PAQR5: variants seen among roughly 807,000 people sequenced by gnomAD.
PAQR5 encodes progestin and adipoQ receptor family member 5.
PAQR5 carries 20 observed loss-of-function variants against 34.5 expected under a neutral mutation model. The observed-to-expected ratio is 0.58, with a 90% CI of 0.41 to 0.84. The LOEUF (loss-of-function observed/expected upper bound fraction) is 0.84, where lower values mean the gene tolerates loss of function less well. PAQR5 is among the 40% of genes least tolerant of loss of function. The pLI is 0.00. For synonymous variants in PAQR5, 131 were observed against 155.6 expected, an observed-to-expected ratio of 0.84 and a Z score of 1.18; for missense variants, 378 against 412.7, an observed-to-expected ratio of 0.92 and a Z score of 0.73.
chr15:69,340,891 T>A (rs1331581531), intron 2 of PAQR5, among the ~76,000 whole-genome samples: 1 of 152,248 alleles, frequency 6.6e-6, no homozygotes, highest in Non-Finnish European at 1.5e-5. Flanking sequence ...GTGTATAATA[T>A]GTATTTTTTT....
Position 69,403,902 on chromosome 15 carries a change from G to T in PAQR5, c.*80G>T. ...CCACCATAAGCCGGAGGTGGTTACA[G>T]CTTATCATGGCCTAAAATATTCATA... On this transcript the variant is annotated 3_prime_UTR_variant, in exon 9 of 9. Coordinates refer to ENST00000395407, the MANE Select transcript of PAQR5 (RefSeq NM_017705.4). 1 of 1,408,674 alleles carries T rather than the reference G, an allele frequency of 7.1e-7. No individual in the cohort carries two copies. Among genetic ancestry groups the T allele is most frequent in the Non-Finnish European group, 9.7e-7 (1 of 1,030,634 alleles). 87.3% of individuals were successfully genotyped at this position (1,408,674 alleles called of 1,614,324 possible).
intron 1 of PAQR5, among the ~76,000 whole-genome samples, chr15:69,336,698 G>T (rs1398133838): frequency 6.6e-6 from 1 of 152,174 alleles, no homozygotes; most frequent in Non-Finnish European, 1.5e-5. Flanking sequence ...TAACTCTGGA[G>T]ATTGTGACTT....
At chr15:69,387,277 C>G (rs117119926) in intron 5 of PAQR5, among the ~76,000 whole-genome samples, 2 of 152,300 alleles carry the variant, frequency 1.3e-5, no homozygotes, top group Non-Finnish European at 2.9e-5. Context: ...CTGGAGTAAT[C>G]GCTGCATGGC....
rs181266541 is a variant in PAQR5, at chr15:69,364,825, G to A, written c.51+4694G>A. Among the ~76,000 whole-genome samples the A allele has an allele frequency of 2.5e-3, 381 of 151,096 alleles. 2 individuals are homozygous for A. The highest frequency in any genetic ancestry group is 8.7e-3 in the African/African-American group (359 of 41,266). ...AAGATCTCGGCTCACTGCAACCTCC[G>A]CCTCCCAGGTTCAAGCAATTCTCTG... On this transcript the variant is annotated intron_variant, in intron 3 of 8. Coordinates refer to ENST00000395407, the MANE Select transcript of PAQR5 (RefSeq NM_017705.4).
intron 4 of PAQR5, among the ~76,000 whole-genome samples, chr15:69,381,856 C>T (rs1298615216): frequency 6.6e-6 from 1 of 152,154 alleles, no homozygotes; most frequent in Non-Finnish European, 1.5e-5. Flanking sequence ...AGCAATGTTC[C>T]TTCAGCTCCT....
At chr15:69,313,582 C>T (rs2053876261) in intron 1 of PAQR5, among the ~76,000 whole-genome samples, 1 of 151,940 alleles carries the variant, frequency 6.6e-6, no homozygotes. Context: ...GAGAAGATTT[C>T]TTGAAAAAAG....
intron 1 of PAQR5, among the ~76,000 whole-genome samples, chr15:69,301,859 A>ATTTTTTT (rs71149903): frequency 0.011 from 1,043 of 98,736 alleles, 112 homozygotes; most frequent in Non-Finnish European, 0.013. Flanking sequence ...ATGGGGGGAG[A>ATTTTTTT]TTTTTTTTTT....
intron 3 of PAQR5, among the ~76,000 whole-genome samples, chr15:69,368,715 A>G (rs1398758103): frequency 6.8e-6 from 1 of 147,814 alleles, no homozygotes; most frequent in Non-Finnish European, 1.5e-5. Flanking sequence ...TGTATTATTT[A>G]TTCCTTTGAT....
intron 2 of PAQR5, among the ~76,000 whole-genome samples, chr15:69,356,460 G>T (rs2055079922): frequency 6.6e-6 from 1 of 152,126 alleles, no homozygotes; most frequent in African/African-American, 2.4e-5. Flanking sequence ...TTTTGAAATT[G>T]TATGCCACTA....
intron 3 of PAQR5, among the ~76,000 whole-genome samples, chr15:69,364,786 T>C (rs1595898007): frequency 6.6e-6 from 1 of 151,688 alleles, no homozygotes; most frequent in East Asian, 1.9e-4. Context: ...TTACCCAGGC[T>C]GGAGTACAGT....
At chr15:69,402,910 C>T (rs2140278582) in intron 8 of PAQR5, among the ~76,000 whole-genome samples, 1 of 152,362 alleles carries the variant, frequency 6.6e-6, no homozygotes, top group South Asian at 2.1e-4. Flanking sequence ...CTCCCACTAC[C>T]CTCTACTGGG....
At chr15:69,329,463 C>CTTTTTTTTTTTTT (rs1038357937) in intron 1 of PAQR5, among the ~76,000 whole-genome samples, 2 of 73,760 alleles carry the variant, frequency 2.7e-5, no homozygotes, top group African/African-American at 5.7e-5. Context: ...TTTTTTCTTT[C>CTTTTTTTTTTTTT]TTTTTTTTTT....
At chr15:69,357,398 G>A (rs1006463848) in intron 2 of PAQR5, among the ~76,000 whole-genome samples, 14 of 151,986 alleles carry the variant, frequency 9.2e-5, no homozygotes, top group African/African-American at 3.4e-4. Flanking sequence ...CTGGTAGTGG[G>A]GACTACAGTT....
chr15:69,332,324 A>G (rs1019429841), intron 1 of PAQR5, among the ~76,000 whole-genome samples: 1 of 152,190 alleles, frequency 6.6e-6, no homozygotes, highest in African/African-American at 2.4e-5. Context: ...ACCTTGCTAC[A>G]GGTTCCTGAA....
chr15:69,401,109 G>A (rs1210667102), intron 8 of PAQR5: 1 of 152,272 alleles, frequency 6.6e-6, no homozygotes, highest in East Asian at 1.9e-4. Flanking sequence ...GGGAAGGAGG[G>A]GCGGGTCCCT....
Position 69,379,614 on chromosome 15 carries a change from T to C in PAQR5, c.52-269T>C, listed in dbSNP as rs572586227. ...AGGCAAGATTCATGCCAAGAGTAAG[T>C]ACGCCGGGGAATGCAAAGACAGGCT... On this transcript the variant is annotated intron_variant, in intron 3 of 8. Transcript: ENST00000395407. 16 of 983,156 alleles carry C rather than the reference T, an allele frequency of 1.6e-5. No homozygotes were observed. The African/African-American group carries it at 2.8e-4, about 17-fold the overall frequency. 60.9% of individuals were successfully genotyped at this position (983,156 alleles called of 1,614,324 possible).
chr15:69,388,382 G>T (rs1186532940), intron 5 of PAQR5, among the ~76,000 whole-genome samples: 9 of 152,222 alleles, frequency 5.9e-5, no homozygotes, highest in Admixed American at 5.9e-4. Context: ...ACCAGGCTTT[G>T]TTCCAAGATC....
Position 69,316,529 on chromosome 15 carries a change from C to T in PAQR5, c.-277+17473C>T, listed in dbSNP as rs377395675. Reference sequence around the variant, plus strand: ...CAAATATTGTGAAATGTGTTACTTACGATATTGGGTTAGCGGGAAAAATAA... The same window carrying T: ...CAAATATTGTGAAATGTGTTACTTATGATATTGGGTTAGCGGGAAAAATAA... On this transcript the variant is annotated intron_variant, in intron 1 of 8. Coordinates refer to ENST00000395407, the MANE Select transcript of PAQR5 (RefSeq NM_017705.4). Among the ~76,000 whole-genome samples, 153 of 152,092 alleles carry T rather than the reference C, an allele frequency of 1.0e-3. 2 individuals are homozygous for T. Among genetic ancestry groups the T allele is most frequent in the African/African-American group, 1.5e-3 (64 of 41,478 alleles).
intron 3 of PAQR5, among the ~76,000 whole-genome samples, chr15:69,364,575 CA>C (rs2055341978): frequency 7.8e-6 from 1 of 128,956 alleles, no homozygotes; most frequent in Non-Finnish European, 1.5e-5. Flanking sequence ...TGATAGCAGG[CA>C]TCTTTGTATT....
Sources: allele counts gnomAD v4.1 joint callset (sites outside exome capture counted in the v4.1 genomes callset), GRCh38; gene constraint gnomAD v4.1.1; transcripts MANE v1.5; gene names NCBI Gene and HGNC (gene_info 2026-07-23, HGNC 2026-07-21).